Variants in ERP29 observed in about 807,000 individuals in gnomAD.
The protein encoded by ERP29 is endoplasmic reticulum protein 29.
A neutral mutation model predicts 21.7 loss-of-function variants in ERP29; 14 were observed. The ratio of observed to expected loss-of-function variants is 0.64; its 90% CI spans 0.43 to 1.01. The LOEUF is 1.01. ERP29 is among the 50% of genes least tolerant of loss of function. The probability of loss-of-function intolerance (pLI) is 0.00; values close to 1 mark genes in which losing one functional copy is unlikely to be tolerated. For synonymous variants in ERP29, 129 were observed against 139.1 expected (o/e 0.93, Z 0.51); for missense variants, 286 against 327.3 (o/e 0.87, Z 0.97).
rs559904715 is a variant in ERP29 at position 112,019,525 on chromosome 12, G to A, written c.145-231G>A. 387 of 560,114 alleles carry A rather than the reference G, an allele frequency of 6.9e-4. 4 individuals are homozygous for A. The highest frequency in any genetic ancestry group is 6.8e-3 in the South Asian group (357 of 52,280). The allele number at this position is 560,114 out of a possible 1,614,324, so 34.7% of individuals were successfully genotyped here. A position where few individuals can be genotyped will look rare whatever the true frequency, so the allele number is the denominator to read the frequency against. The stretch of plus-strand genomic sequence containing the variant: ...CCTTGTTTATTCTGGACAGGGTTGT[G>A]TATATCTTTGATTAGTGTGAACAGG... On this transcript the variant is annotated intron_variant, in intron 1 of 2. Transcript: ENST00000261735.
At chr12:112,019,240 G>T (rs867295956) in intron 1 of ERP29, 4 of 191,818 alleles carry the variant, frequency 2.1e-5, no homozygotes, top group African/African-American at 9.4e-5. Flanking sequence ...AGAAGACATT[G>T]TCCCAAGCCT....
At chr12:112,022,119 C>A in intron 2 of ERP29, 31 bp from the exon 3 acceptor site, 2 of 1,610,782 alleles carry the variant, frequency 1.2e-6, no homozygotes, top group South Asian at 2.2e-5. Flanking sequence ...TCCTTATGGT[C>A]TTGCTTTTTG....
In ERP29 at chr12:112,013,502, C is replaced by T. The variant is rs1047440176; in HGVS notation, c.37C>T (p.Pro13Ser). The T allele has an allele frequency of 3.1e-6, 5 of 1,612,634 alleles. No homozygotes were observed. In the Admixed American group the frequency reaches 6.7e-5, roughly 22 times the overall value. Residue 13 changes from proline (P) to serine (S), a missense_variant, in exon 1 of 3, where the codon CCG becomes TCG. Transcript: ENST00000261735. Reference sequence around the variant, plus strand: ...TGTGCCCCGCGCCGCATTTCTCTCCCCGCTGCTTCCCCTTCTCCTGGGCTT... The same window carrying T: ...TGTGCCCCGCGCCGCATTTCTCTCCTCGCTGCTTCCCCTTCTCCTGGGCTT... Reference protein sequence around the residue: ...AAVPRAAFLSPLLPLLLGFLL... With the variant: ...AAVPRAAFLSSLLPLLLGFLL...
chr12:112,020,983 AGC>A (rs2078041287), intron 2 of ERP29, among the ~76,000 whole-genome samples: 1 of 152,214 alleles, frequency 6.6e-6, no homozygotes, highest in Admixed American at 6.5e-5. Flanking sequence ...AGTTGGTCTT[AGC>A]CGTTTCTCGG....
At chr12:112,014,282 A>G (rs527672294) in intron 1 of ERP29, among the ~76,000 whole-genome samples, 1 of 152,330 alleles carries the variant, frequency 6.6e-6, no homozygotes, top group East Asian at 1.9e-4. Flanking sequence ...GCCTCCTGTT[A>G]CATCAGCTGC....
At chr12:112,021,029 T>C (rs1044649948) in intron 2 of ERP29, among the ~76,000 whole-genome samples, 3 of 152,210 alleles carry the variant, frequency 2.0e-5, no homozygotes, top group Admixed American at 1.3e-4. Context: ...ACAGCATCAG[T>C]CCTTGGGGCT....
chr12:112,021,578 C>T (rs900430083), intron 2 of ERP29, among the ~76,000 whole-genome samples: 4 of 121,698 alleles, frequency 3.3e-5, no homozygotes, highest in African/African-American at 6.7e-5. Context: ...AGCTGGAGTG[C>T]GGTGGTGGGA....
At chr12:112,018,258 C>T (rs575769247) in intron 1 of ERP29, among the ~76,000 whole-genome samples, 26 of 152,178 alleles carry the variant, frequency 1.7e-4, no homozygotes, top group African/African-American at 6.0e-4. Context: ...TGATTTTCCA[C>T]CTCAGCCTCC....
At chr12:112,017,531 G>A (rs2078018914) in intron 1 of ERP29, among the ~76,000 whole-genome samples, 1 of 152,162 alleles carries the variant, frequency 6.6e-6, no homozygotes, top group Non-Finnish European at 1.5e-5. Context: ...TCTTGAGTGG[G>A]AATAAGTTTC....
intron 1 of ERP29, among the ~76,000 whole-genome samples, chr12:112,017,660 G>C (rs1304932630): frequency 6.6e-6 from 1 of 151,944 alleles, no homozygotes; most frequent in East Asian, 1.9e-4. Context: ...AAGATGACTT[G>C]TTCTGGTGTC....
In ERP29 at chr12:112,022,292, G is replaced by T; in HGVS notation, c.426G>T (p.Gln142His). The T allele has an allele frequency of 6.2e-7, 1 of 1,612,966 alleles. No homozygotes were observed. Among genetic ancestry groups the T allele is most frequent in the Non-Finnish European group, 8.5e-7 (1 of 1,179,432 alleles). ...YTGAVKVGAI[Q>H]RWLKGQGVYL... ...GGGCAGTTAAGGTTGGAGCCATCCA[G>T]CGCTGGCTGAAGGGGCAAGGGGTCT... The change falls in exon 3 of 3, where the codon CAG (glutamine) becomes CAT (histidine). Residue 142 changes from glutamine (Q) to histidine (H), a missense_variant. Coordinates refer to ENST00000261735, the MANE Select transcript of ERP29 (RefSeq NM_006817.4).
At chr12:112,020,987 G>GT (rs1269702351) in intron 2 of ERP29, among the ~76,000 whole-genome samples, 2 of 152,312 alleles carry the variant, frequency 1.3e-5, no homozygotes, top group East Asian at 3.9e-4. Flanking sequence ...GGTCTTAGCC[G>GT]TTTCTCGGCA....
At chr12:112,017,075 G>T (rs568396776) in intron 1 of ERP29, among the ~76,000 whole-genome samples, 6 of 152,096 alleles carry the variant, frequency 3.9e-5, no homozygotes, top group Non-Finnish European at 8.8e-5. Flanking sequence ...CATAATACAA[G>T]TGCAGGCCCT....
intron 1 of ERP29, 69 bp from the exon 2 acceptor site, chr12:112,019,687 C>T (rs2078033060): frequency 6.3e-7 from 1 of 1,592,012 alleles, no homozygotes; most frequent in East Asian, 2.2e-5. Flanking sequence ...AAACAGGGGC[C>T]CCTTGGGAAG....
At chr12:112,017,760 A>G (rs1192697548) in intron 1 of ERP29, among the ~76,000 whole-genome samples, 2 of 151,618 alleles carry the variant, frequency 1.3e-5, no homozygotes, top group Non-Finnish European at 2.9e-5. Flanking sequence ...AAAGACTAAC[A>G]AGAACATTGT....
chr12:112,019,540 G>C (rs1436941278), intron 1 of ERP29: 2 of 596,832 alleles, frequency 3.4e-6, no homozygotes, highest in Non-Finnish European at 6.1e-6. Context: ...TCTTTGATTA[G>C]TGTGAACAGG....
rs2078062953 is a variant in ERP29, at chr12:112,023,318, T to G, written c.*666T>G. 6.6e-6 allele frequency: 1 copy of G among 152,246 alleles called. No homozygotes were observed. Among genetic ancestry groups the G allele is most frequent in the South Asian group, 2.1e-4 (1 of 4,838 alleles). The allele number at this position is 152,246 out of a possible 1,614,324, so 9.4% of individuals were successfully genotyped here. ...CAAATTCTTAGTTTTACTGATATAT[T>G]CTGTGACTTGGATTTACACAGCTAA... is the stretch of plus-strand genomic sequence containing the variant. On this transcript the variant is annotated 3_prime_UTR_variant, in exon 3 of 3. Coordinates refer to ENST00000261735, the MANE Select transcript of ERP29 (RefSeq NM_006817.4).
Position 112,022,281 on chromosome 12 carries a change from G to A in ERP29, c.415G>A (p.Gly139Arg), listed in dbSNP as rs2078052754. ...PVPYTGAVKV[G>R]AIQRWLKGQG... is the part of the protein sequence containing the mutation. The stretch of plus-strand genomic sequence containing the variant: ...CCCATACACTGGGGCAGTTAAGGTT[G>A]GAGCCATCCAGCGCTGGCTGAAGGG... Residue 139 changes from glycine (G) to arginine (R), a missense_variant, in exon 3 of 3, where the codon GGA becomes AGA. Coordinates refer to ENST00000261735, the MANE Select transcript of ERP29 (RefSeq NM_006817.4). 6.2e-7 allele frequency: 1 copy of A among 1,612,868 alleles called. No homozygotes were observed. The highest frequency in any genetic ancestry group is 8.5e-7 in the Non-Finnish European group (1 of 1,179,460).
chr12:112,022,033 T>A (rs2078050207), intron 2 of ERP29, 117 bp from the exon 3 acceptor site: 1 of 999,342 alleles, frequency 1.0e-6, no homozygotes, highest in Non-Finnish European at 1.5e-6. Flanking sequence ...CTCCTCACTT[T>A]GAACCATTAC....
Sources: gnomAD v4.1 joint callset for allele counts (sites outside exome capture counted in the v4.1 genomes callset) on GRCh38, gnomAD v4.1.1 for gene constraint, MANE v1.5 for transcripts, NCBI Gene and HGNC (gene_info 2026-07-23, HGNC 2026-07-21) for gene names.